Variants in C16orf78 observed in about 807,000 individuals in gnomAD.
C16orf78 encodes chromosome 16 open reading frame 78.
In C16orf78, 19 loss-of-function variants were observed where a neutral mutation model predicts 27.3. That is an observed-to-expected ratio of 0.70 (90% CI 0.49 to 1.02). The LOEUF (loss-of-function observed/expected upper bound fraction) is 1.02. C16orf78 is among the 50% of genes least tolerant of loss of function. The pLI is 0.00. For missense variants in C16orf78, 339 were observed against 337.0 expected, an observed-to-expected ratio of 1.01 and a Z score of -0.05; for synonymous variants, 130 against 116.1, an observed-to-expected ratio of 1.12 and a Z score of -0.77.
At chr16:49,387,677 G>T (rs1965367032) in intron 3 of C16orf78, among the ~76,000 whole-genome samples, 1 of 151,952 alleles carries the variant, frequency 6.6e-6, no homozygotes. Flanking sequence ...TCTGGTCCTG[G>T]GCTTTTGTTG....
Position 49,377,713 on chromosome 16 carries a change from C to T in C16orf78, c.151-18C>T. 6.3e-7 allele frequency: 1 copy of T among 1,599,042 alleles called. No homozygotes were observed. Among genetic ancestry groups the T allele is most frequent in the South Asian group, 1.1e-5 (1 of 87,844 alleles). On this transcript the variant is annotated intron_variant, in intron 1 of 4. Transcript: ENST00000299191. Reference sequence around the variant, plus strand: ...CCCACAGCAGTGGCTGCAGGGCTCTCTTCCCTTGTCTTTTCAGAAGCAAAA... The same window carrying T: ...CCCACAGCAGTGGCTGCAGGGCTCTTTTCCCTTGTCTTTTCAGAAGCAAAA...
At chr16:49,379,899 T>A (rs941460341) in intron 3 of C16orf78, among the ~76,000 whole-genome samples, 7 of 152,204 alleles carry the variant, frequency 4.6e-5, no homozygotes, top group African/African-American at 1.7e-4. Context: ...AGATTAATAT[T>A]TGAGTCAGTG....
chr16:49,388,354 A>G (rs1965374262), intron 3 of C16orf78, among the ~76,000 whole-genome samples: 1 of 152,122 alleles, frequency 6.6e-6, no homozygotes, highest in Non-Finnish European at 1.5e-5. Context: ...TCAGTGATAT[A>G]AATTTCCCTC....
intron 3 of C16orf78, among the ~76,000 whole-genome samples, chr16:49,392,226 G>A (rs1965421086): frequency 3.3e-5 from 5 of 152,180 alleles, no homozygotes. Flanking sequence ...TAGCACATAT[G>A]CATTACTAAG....
chr16:49,383,898 T>A (rs1166647166), intron 3 of C16orf78, among the ~76,000 whole-genome samples: 1 of 152,206 alleles, frequency 6.6e-6, no homozygotes, highest in African/African-American at 2.4e-5. Flanking sequence ...AATAACTGAT[T>A]CTACAGCAAT....
chr16:49,392,756 T>C (rs1349979010), intron 3 of C16orf78, among the ~76,000 whole-genome samples: 1 of 152,210 alleles, frequency 6.6e-6, no homozygotes, highest in Non-Finnish European at 1.5e-5. Flanking sequence ...GTAAATTCTG[T>C]GTCGCTGATG....
At position 49,387,208 on chromosome 16, in the gene C16orf78, G is replaced by GT. The variant is rs200930290; in HGVS notation, c.394+8624dup. On this transcript the variant is annotated intron_variant, in intron 3 of 4. Transcript: ENST00000299191. ...TTCTCTAATGATCAGGGCTATTGAG[G>GT]TTTTTTTTTCCATATGCTTGTTGGC... is the stretch of plus-strand genomic sequence containing the variant. Among the ~76,000 whole-genome samples the GT allele has an allele frequency of 5.5e-3, 834 of 151,014 alleles. 4 individuals are homozygous for GT. Among genetic ancestry groups the GT allele is most frequent in the Non-Finnish European group, 9.2e-3 (620 of 67,678 alleles).
intron 3 of C16orf78, among the ~76,000 whole-genome samples, chr16:49,384,327 A>G (rs1965319885): frequency 6.7e-6 from 1 of 149,830 alleles, no homozygotes; most frequent in Non-Finnish European, 1.5e-5. Flanking sequence ...CAGCCTGGGC[A>G]ACAAGAGCAA....
At chr16:49,381,518 G>C (rs1001351908) in intron 3 of C16orf78, among the ~76,000 whole-genome samples, 8 of 152,064 alleles carry the variant, frequency 5.3e-5, no homozygotes, top group Non-Finnish European at 1.0e-4. Context: ...CTACTCATCT[G>C]ACAAAGGGCT....
At position 49,396,684 on chromosome 16, in the gene C16orf78, A is replaced by G; in HGVS notation, c.650+6A>G. ...GAGGAGGTGCTGAGCTGCCGGTGAG[A>G]GCTGCCACCCCCTGGGCAGATGGGG... On this transcript the variant is annotated splice_donor_region_variant and intron_variant, in intron 4 of 4. Transcript: ENST00000299191. 4.4e-6 allele frequency: 7 copies of G among 1,604,560 alleles called. No individual in the cohort carries two copies. The highest frequency in any genetic ancestry group is 5.9e-6 in the Non-Finnish European group (7 of 1,179,700).
chr16:49,383,413 A>T (rs1197637147), intron 3 of C16orf78, among the ~76,000 whole-genome samples: 1 of 152,202 alleles, frequency 6.6e-6, no homozygotes, highest in African/African-American at 2.4e-5. Flanking sequence ...GCACATCCCG[A>T]TTGCATTACA....
At chr16:49,375,347 A>T (rs1965201896) in intron 1 of C16orf78, among the ~76,000 whole-genome samples, 1 of 152,216 alleles carries the variant, frequency 6.6e-6, no homozygotes, top group Admixed American at 6.5e-5. Flanking sequence ...AAAATAAAAA[A>T]AAATGTTTAA....
intron 3 of C16orf78, among the ~76,000 whole-genome samples, chr16:49,382,140 C>T (rs936641663): frequency 6.6e-6 from 1 of 152,126 alleles, no homozygotes; most frequent in South Asian, 2.1e-4. Flanking sequence ...TGGAAATCAT[C>T]ATTCTCAGTA....
intron 3 of C16orf78, among the ~76,000 whole-genome samples, chr16:49,394,659 ATCATTATTG>A (rs1965449471): frequency 6.6e-6 from 1 of 152,142 alleles, no homozygotes; most frequent in African/African-American, 2.4e-5. Context: ...AATCCCTATC[ATCATTATTG>A]GCAATGTTCT....
intron 1 of C16orf78, among the ~76,000 whole-genome samples, chr16:49,375,420 A>G (rs914885531): frequency 7.2e-5 from 11 of 152,206 alleles, no homozygotes; most frequent in Non-Finnish European, 1.5e-4. Context: ...CAGGAAGCTT[A>G]CAATCATGGC....
At chr16:49,377,060 G>C (rs1184159585) in intron 1 of C16orf78, among the ~76,000 whole-genome samples, 1 of 152,194 alleles carries the variant, frequency 6.6e-6, no homozygotes, top group Non-Finnish European at 1.5e-5. Context: ...CTGGGCTCCT[G>C]GACTGTGGGA....
At chr16:49,387,794 G>A (rs1035486015) in intron 3 of C16orf78, among the ~76,000 whole-genome samples, 4 of 152,144 alleles carry the variant, frequency 2.6e-5, no homozygotes, top group East Asian at 1.9e-4. Context: ...TCTTGAGAGG[G>A]TGTATGTGTC....
intron 4 of C16orf78, among the ~76,000 whole-genome samples, chr16:49,398,234 G>GA (rs1209000901): frequency 6.6e-6 from 1 of 152,184 alleles, no homozygotes; most frequent in African/African-American, 2.4e-5. Flanking sequence ...CTAACAGGCA[G>GA]AAAATCACAT....
chr16:49,381,114 G>A (rs578103976), intron 3 of C16orf78, among the ~76,000 whole-genome samples: 15 of 152,286 alleles, frequency 9.8e-5, no homozygotes, highest in South Asian at 4.1e-4. Context: ...TTGGCGATGC[G>A]AGCTGTTTTT....
Sources: allele counts gnomAD v4.1 joint callset (sites outside exome capture counted in the v4.1 genomes callset), GRCh38; gene constraint gnomAD v4.1.1; transcripts MANE v1.5; gene names NCBI Gene and HGNC (gene_info 2026-07-23, HGNC 2026-07-21).